The following PHYHIPL variants were observed in gnomAD, a reference collection of about 807,000 sequenced individuals.
The protein encoded by PHYHIPL is phytanoyl-CoA 2-hydroxylase interacting protein like.
Under a neutral mutation model 33.4 loss-of-function variants are expected in PHYHIPL, and 9 were observed. That is an observed-to-expected ratio of 0.27 (90% confidence interval 0.16 to 0.47). The LOEUF (loss-of-function observed/expected upper bound fraction) is 0.47, where lower values mean the gene tolerates loss of function less well. Among genes scored for constraint, PHYHIPL ranks in the 20% least tolerant of loss-of-function variants. The pLI is 0.99. For synonymous variants in PHYHIPL, 153 were observed against 154.1 expected (o/e 0.99, Z 0.05); for missense variants, 365 against 460.7 (o/e 0.79, Z 1.90).
At chr10:59,196,177 C>A (rs890988872) in intron 1 of PHYHIPL, among the ~76,000 whole-genome samples, 1 of 151,980 alleles carries the variant, frequency 6.6e-6, no homozygotes, top group African/African-American at 2.4e-5. Context: ...TAGAATTGGT[C>A]ATTGAATTGC....
At chr10:59,185,545 C>T (rs1224373306) in intron 1 of PHYHIPL, among the ~76,000 whole-genome samples, 1 of 152,218 alleles carries the variant, frequency 6.6e-6, no homozygotes, top group Non-Finnish European at 1.5e-5. Flanking sequence ...GCCACACTGA[C>T]TTCCACAATG....
chr10:59,198,212 C>T (rs1181556279), intron 1 of PHYHIPL, among the ~76,000 whole-genome samples: 1 of 151,878 alleles, frequency 6.6e-6, no homozygotes, highest in South Asian at 2.1e-4. Flanking sequence ...CCTACCCCCA[C>T]CCCATGACAG....
At chr10:59,213,317 A>AT (rs1839519196) in intron 1 of PHYHIPL, among the ~76,000 whole-genome samples, 1 of 151,986 alleles carries the variant, frequency 6.6e-6, no homozygotes, top group Admixed American at 6.6e-5. Context: ...AATTTCTTTG[A>AT]TTTTTGCCCC....
intron 1 of PHYHIPL, among the ~76,000 whole-genome samples, chr10:59,183,061 T>C (rs1314745343): frequency 1.3e-5 from 2 of 152,178 alleles, no homozygotes; most frequent in African/African-American, 4.8e-5. Flanking sequence ...TTTACCAGGA[T>C]GATATTATAT....
chr10:59,226,498 TGTGGTGGTG>T (rs965114964), intron 1 of PHYHIPL, among the ~76,000 whole-genome samples: 4 of 151,782 alleles, frequency 2.6e-5, no homozygotes, highest in African/African-American at 4.8e-5. Context: ...TGAAAATGGT[TGTGGTGGTG>T]GTGGTGGTGG....
At chr10:59,238,807 AT>A (rs1284017345) in intron 4 of PHYHIPL, 102 bp downstream of exon 4, 2 of 628,692 alleles carry the variant, frequency 3.2e-6, no homozygotes, top group Non-Finnish European at 5.4e-6. Flanking sequence ...GCAATTCTAG[AT>A]TTCTTTTCAA....
intron 1 of PHYHIPL, among the ~76,000 whole-genome samples, chr10:59,186,658 G>A (rs1403160794): frequency 6.6e-6 from 1 of 151,862 alleles, no homozygotes. Context: ...GTGGTTTGTA[G>A]TTCTTGAAGA....
chr10:59,237,615 T>C (rs1658821869), intron 3 of PHYHIPL, among the ~76,000 whole-genome samples: 1 of 151,918 alleles, frequency 6.6e-6, no homozygotes, highest in South Asian at 2.1e-4. Flanking sequence ...TGACTTTTAA[T>C]CTGAACATCG....
chr10:59,198,273 A>G (rs1377926514), intron 1 of PHYHIPL, among the ~76,000 whole-genome samples: 8 of 151,948 alleles, frequency 5.3e-5, no homozygotes, highest in Admixed American at 2.0e-4. Flanking sequence ...TCATTGTTCA[A>G]TTCCCACCTA....
intron 1 of PHYHIPL, among the ~76,000 whole-genome samples, chr10:59,211,389 TG>T (rs1229845912): frequency 2.0e-5 from 3 of 152,034 alleles, no homozygotes; most frequent in Admixed American, 1.3e-4. Context: ...TGTTTTGTTT[TG>T]TTTGAGATGG....
Position 59,195,515 on chromosome 10 carries a change from C to T in PHYHIPL, c.106+18556C>T, listed in dbSNP as rs549938362. On this transcript the variant is annotated intron_variant, in intron 1 of 4. Transcript: ENST00000373880. The stretch of plus-strand genomic sequence containing the variant: ...GGGAACTTCACAAGACTTGTTTCTT[C>T]AGATTCACCTCTGTGTCCTATGTCT... 2.0e-5 allele frequency among the ~76,000 whole-genome samples: 3 copies of T among 152,276 alleles called. No individual in the cohort carries two copies. In the East Asian group the frequency reaches 5.8e-4, roughly 29 times the overall value.
At chr10:59,230,146 G>C (rs991020087) in intron 1 of PHYHIPL, among the ~76,000 whole-genome samples, 1 of 150,802 alleles carries the variant, frequency 6.6e-6, no homozygotes, top group African/African-American at 2.4e-5. Flanking sequence ...AGTTTCTCTT[G>C]ATACAGAGCT....
At chr10:59,230,697 TGAC>T (rs1227549299) in intron 1 of PHYHIPL, among the ~76,000 whole-genome samples, 1 of 152,188 alleles carries the variant, frequency 6.6e-6, no homozygotes, top group African/African-American at 2.4e-5. Context: ...CAGGAGGTCC[TGAC>T]GACATGTGCC....
chr10:59,174,673 G>A (rs377221244), upstream of PHYHIPL, among the ~76,000 whole-genome samples: 10 of 152,048 alleles, frequency 6.6e-5, no homozygotes, highest in African/African-American at 1.4e-4. Context: ...TATTCTAGCC[G>A]ACAAATCTGA....
chr10:59,208,472 C>A (rs751554667), intron 1 of PHYHIPL, among the ~76,000 whole-genome samples: 2 of 152,126 alleles, frequency 1.3e-5, no homozygotes, highest in Non-Finnish European at 2.9e-5. Context: ...TGAGGAAAAA[C>A]CAGCGCAAAA....
At chr10:59,218,013 G>A (rs1395405957) in intron 1 of PHYHIPL, among the ~76,000 whole-genome samples, 4 of 151,948 alleles carry the variant, frequency 2.6e-5, no homozygotes, top group African/African-American at 7.3e-5. Context: ...AATAATATAC[G>A]TATACTTGAC....
chr10:59,177,500 A>G (rs1838286262), intron 1 of PHYHIPL: 2 of 1,550,630 alleles, frequency 1.3e-6, no homozygotes, highest in African/African-American at 1.4e-5. Flanking sequence ...GTGAGGGCGC[A>G]GAAAAACAGT....
intron 1 of PHYHIPL, among the ~76,000 whole-genome samples, chr10:59,224,555 G>T (rs1490218135): frequency 2.0e-5 from 3 of 151,790 alleles, no homozygotes; most frequent in African/African-American, 7.3e-5. Context: ...TATCAAAAGG[G>T]TTTAAAATAT....
At chr10:59,244,880 G>T (rs1009376283) in intron 4 of PHYHIPL, among the ~76,000 whole-genome samples, 177 bp from the exon 5 acceptor site, 37 of 152,168 alleles carry the variant, frequency 2.4e-4, no homozygotes, top group African/African-American at 8.7e-4. Flanking sequence ...TAAGGTCAAA[G>T]CTAGAATACA....
Sources: gnomAD v4.1 joint callset for allele counts (sites outside exome capture counted in the v4.1 genomes callset) on GRCh38, gnomAD v4.1.1 for gene constraint, MANE v1.5 for transcripts, NCBI Gene and HGNC (gene_info 2026-07-23, HGNC 2026-07-21) for gene names.